The following EHBP1 variants were observed in gnomAD, a reference collection of about 807,000 sequenced individuals.
EHBP1 encodes EH domain binding protein 1.
Under a neutral mutation model 144.0 loss-of-function variants are expected in EHBP1, and 55 were observed. The ratio of observed to expected loss-of-function variants is 0.38; its 90% CI spans 0.31 to 0.48. The LOEUF (loss-of-function observed/expected upper bound fraction) is 0.48, where lower values mean the gene tolerates loss of function less well. Ranked by LOEUF, EHBP1 falls within the 20% of genes least tolerant of loss-of-function variation. The pLI is 0.98. For missense variants in EHBP1, 1,200 were observed against 1,364.2 expected (o/e 0.88, Z 1.90); for synonymous variants, 469 against 472.7 (o/e 0.99, Z 0.10).
chr2:62,895,201 G>A (rs1474566228), intron 10 of EHBP1, among the ~76,000 whole-genome samples: 3 of 152,032 alleles, frequency 2.0e-5, no homozygotes, highest in African/African-American at 7.3e-5. Flanking sequence ...GTGTGGTGGA[G>A]GTTATACAAG....
At chr2:62,736,498 A>G (rs2038154022) in intron 2 of EHBP1, among the ~76,000 whole-genome samples, 1 of 152,154 alleles carries the variant, frequency 6.6e-6, no homozygotes, top group African/African-American at 2.4e-5. Flanking sequence ...CGCTGGGATT[A>G]TAGGCATGAG....
At chr2:62,675,997 C>T (rs377606898) in intron 1 of EHBP1, among the ~76,000 whole-genome samples, 4 of 152,180 alleles carry the variant, frequency 2.6e-5, no homozygotes, top group African/African-American at 4.8e-5. Context: ...CTCAAGTAGC[C>T]GGCCAGCCTT....
intron 5 of EHBP1, among the ~76,000 whole-genome samples, chr2:62,802,085 G>T (rs1296523359): frequency 1.3e-5 from 2 of 152,222 alleles, no homozygotes; most frequent in African/African-American, 4.8e-5. Context: ...ACAGCCTGTG[G>T]AGGCAAACAA....
At chr2:62,735,717 A>G (rs1573033148) in intron 2 of EHBP1, among the ~76,000 whole-genome samples, 1 of 152,150 alleles carries the variant, frequency 6.6e-6, no homozygotes, top group South Asian at 2.1e-4. Flanking sequence ...ACCTACTGGC[A>G]ACAAAATCCA....
intron 5 of EHBP1, among the ~76,000 whole-genome samples, chr2:62,777,403 A>G (rs1007238596): frequency 3.9e-5 from 6 of 152,230 alleles, no homozygotes; most frequent in Admixed American, 1.3e-4. Context: ...CCATTCTGCA[A>G]TATTTTAATA....
chr2:62,930,771 A>G (rs2055923199), intron 10 of EHBP1, among the ~76,000 whole-genome samples: 1 of 152,174 alleles, frequency 6.6e-6, no homozygotes, highest in South Asian at 2.1e-4. Context: ...ATGGAGAAAA[A>G]TGGAGAAAAG....
intron 2 of EHBP1, among the ~76,000 whole-genome samples, chr2:62,725,176 C>T (rs79306107): frequency 4.6e-5 from 7 of 152,106 alleles, no homozygotes; most frequent in East Asian, 1.9e-4. Flanking sequence ...GCGGTGGGGG[C>T]GCTCCAAGGT....
chr2:62,903,044 G>A (rs1012028259), intron 10 of EHBP1, among the ~76,000 whole-genome samples: 74 of 152,126 alleles, frequency 4.9e-4, no homozygotes, highest in Non-Finnish European at 6.3e-4. Context: ...TGTAGTATGC[G>A]GTAATGAATA....
intron 5 of EHBP1, among the ~76,000 whole-genome samples, chr2:62,819,679 G>T (rs549272555): frequency 6.6e-6 from 1 of 151,718 alleles, no homozygotes; most frequent in South Asian, 2.1e-4. Context: ...AAGGAGAATT[G>T]CTTGAACCCA....
intron 4 of EHBP1, among the ~76,000 whole-genome samples, chr2:62,765,373 A>G (rs2041097794): frequency 6.6e-6 from 1 of 152,168 alleles, no homozygotes; most frequent in Non-Finnish European, 1.5e-5. Flanking sequence ...AAGAGTTAAT[A>G]TATGTCATAT....
At chr2:62,952,394 A>G (rs2057437847) in intron 13 of EHBP1, among the ~76,000 whole-genome samples, 1 of 152,230 alleles carries the variant, frequency 6.6e-6, no homozygotes, top group South Asian at 2.1e-4. Flanking sequence ...TCAATATATT[A>G]TTTATAATAG....
At position 62,764,297 on chromosome 2, in the gene EHBP1, C is replaced by T; in HGVS notation, c.194C>T (p.Pro65Leu). ...AGCTGGCAACCTGGAATAAAAAATCCCTATCGTGGTGTTGTTGTGTGGCCT... is the reference window on the plus strand; with the variant it reads ...AGCTGGCAACCTGGAATAAAAAATCTCTATCGTGGTGTTGTTGTGTGGCCT... Reference protein sequence around the residue: ...AHSWQPGIKNPYRGVVVWPVP... With the variant: ...AHSWQPGIKNLYRGVVVWPVP... The change falls in exon 4 of 23, where the codon CCC becomes CTC. Residue 65 changes from proline to leucine, a missense_variant. Transcript: ENST00000431489. 1 of 1,572,246 alleles carries T rather than the reference C, an allele frequency of 6.4e-7. No homozygotes were observed. Among genetic ancestry groups the T allele is most frequent in the South Asian group, 1.2e-5 (1 of 84,320 alleles).
At chr2:62,764,473 G>A in intron 4 of EHBP1, 112 bp downstream of exon 4, 1 of 693,978 alleles carries the variant, frequency 1.4e-6, no homozygotes, top group Non-Finnish European at 2.2e-6. Context: ...GGTACCTACT[G>A]TGCATTATTT....
chr2:62,987,866 G>T, intron 15 of EHBP1: 1 of 875,014 alleles, frequency 1.1e-6, no homozygotes. Context: ...TTCTTCTTTA[G>T]TGTTTTGGAT....
At chr2:62,746,142 T>C (rs1342652230) in intron 2 of EHBP1, among the ~76,000 whole-genome samples, 1 of 152,080 alleles carries the variant, frequency 6.6e-6, no homozygotes, top group East Asian at 1.9e-4. Context: ...GTTCTCCTCT[T>C]GTTAACTTGC....
At chr2:62,805,717 G>A (rs919293002) in intron 5 of EHBP1, among the ~76,000 whole-genome samples, 6 of 151,954 alleles carry the variant, frequency 3.9e-5, no homozygotes, top group African/African-American at 1.2e-4. Flanking sequence ...GGATTTCACC[G>A]TGTTGGCCAG....
chr2:62,824,182 T>G (rs2046182651), intron 5 of EHBP1, among the ~76,000 whole-genome samples: 1 of 152,040 alleles, frequency 6.6e-6, no homozygotes, highest in Non-Finnish European at 1.5e-5. Flanking sequence ...TAAACTAAGT[T>G]TTCAAAATTA....
At chr2:62,817,832 C>A (rs1190901164) in intron 5 of EHBP1, among the ~76,000 whole-genome samples, 1 of 152,028 alleles carries the variant, frequency 6.6e-6, no homozygotes, top group Non-Finnish European at 1.5e-5. Flanking sequence ...GAATTTTGCC[C>A]AGATTATGAG....
intron 19 of EHBP1, among the ~76,000 whole-genome samples, chr2:63,005,120 G>C (rs2059985873): frequency 6.6e-6 from 1 of 152,022 alleles, no homozygotes; most frequent in Admixed American, 6.6e-5. Flanking sequence ...CCTTCCAGAT[G>C]GAGAGTTATC....
Sources: allele counts gnomAD v4.1 joint callset (sites outside exome capture counted in the v4.1 genomes callset), GRCh38; gene constraint gnomAD v4.1.1; transcripts MANE v1.5; gene names NCBI Gene and HGNC (gene_info 2026-07-23, HGNC 2026-07-21).